The following PRKG1 variants were observed in gnomAD, a reference collection of about 807,000 sequenced individuals.
PRKG1 encodes the protein cGMP-dependent protein kinase 1.
In PRKG1, 35 loss-of-function variants were observed where a neutral mutation model predicts 88.1. That is an observed-to-expected ratio of 0.40 (90% CI 0.30 to 0.53). PRKG1 has a LOEUF of 0.53. PRKG1 is among the 20% of genes least tolerant of loss of function. The pLI, the probability that PRKG1 is intolerant of heterozygous loss-of-function variation, is 0.59. For synonymous variants in PRKG1, 303 were observed against 292.5 expected, an observed-to-expected ratio of 1.04 and a Z score of -0.37; for missense variants, 540 against 839.8, an observed-to-expected ratio of 0.64 and a Z score of 4.41.
chr10:51,715,282 A>G (rs527495643), intron 3 of PRKG1, among the ~76,000 whole-genome samples: 2 of 152,350 alleles, frequency 1.3e-5, no homozygotes, highest in East Asian at 1.9e-4. Context: ...AGCTTCATAT[A>G]TAAACAAATT....
At chr10:51,220,492 C>T (rs1838499686) in intron 2 of PRKG1, among the ~76,000 whole-genome samples, 1 of 152,008 alleles carries the variant, frequency 6.6e-6, no homozygotes, top group Non-Finnish European at 1.5e-5. Flanking sequence ...ATGGAAAAAT[C>T]TAACAGAGAA....
intron 2 of PRKG1, among the ~76,000 whole-genome samples, chr10:51,233,385 C>A (rs542048223): frequency 9.5e-4 from 144 of 152,228 alleles, no homozygotes; most frequent in Non-Finnish European, 1.5e-3. Flanking sequence ...CTGAAATCTG[C>A]AATATGAGAT....
intron 8 of PRKG1, among the ~76,000 whole-genome samples, chr10:52,136,199 T>C (rs1353438194): frequency 6.6e-6 from 1 of 152,058 alleles, no homozygotes; most frequent in Non-Finnish European, 1.5e-5. Flanking sequence ...AGTATACAAG[T>C]ATCCAGGAAG....
At chr10:52,248,371 A>G (rs1352948139) in intron 9 of PRKG1, among the ~76,000 whole-genome samples, 1 of 152,216 alleles carries the variant, frequency 6.6e-6, no homozygotes, top group Non-Finnish European at 1.5e-5. Context: ...TGGAAAAGAT[A>G]AACAGTTATG....
intron 4 of PRKG1, among the ~76,000 whole-genome samples, chr10:51,864,544 A>G (rs1188183334): frequency 2.6e-5 from 4 of 152,224 alleles, no homozygotes; most frequent in Non-Finnish European, 4.4e-5. Flanking sequence ...ATTTCATGTT[A>G]AAACATTTTT....
intron 3 of PRKG1, among the ~76,000 whole-genome samples, chr10:51,755,219 A>G (rs1837828028): frequency 6.6e-6 from 1 of 152,166 alleles, no homozygotes; most frequent in East Asian, 1.9e-4. Context: ...TAAGCTGTAC[A>G]CTGGATACTT....
chr10:52,118,020 A>G (rs1847729379), intron 7 of PRKG1, among the ~76,000 whole-genome samples: 1 of 152,138 alleles, frequency 6.6e-6, no homozygotes, highest in Non-Finnish European at 1.5e-5. Flanking sequence ...CCTATACACA[A>G]CACTATAGTA....
At chr10:51,174,432 T>C (rs1033569442) in intron 2 of PRKG1, among the ~76,000 whole-genome samples, 12 of 152,058 alleles carry the variant, frequency 7.9e-5, no homozygotes, top group African/African-American at 2.7e-4. Context: ...TTACAATGTC[T>C]ATGTAATCAA....
chr10:51,460,383 G>A (rs1435457427), intron 2 of PRKG1, among the ~76,000 whole-genome samples: 1 of 152,094 alleles, frequency 6.6e-6, no homozygotes, highest in African/African-American at 2.4e-5. Flanking sequence ...CTAATTGAAG[G>A]TGCTCATGTA....
At chr10:51,506,242 T>C (rs1472795010) in intron 3 of PRKG1, among the ~76,000 whole-genome samples, 1 of 152,142 alleles carries the variant, frequency 6.6e-6, no homozygotes, top group Non-Finnish European at 1.5e-5. Flanking sequence ...GACATAGGCA[T>C]GGGCAAGGAC....
intron 3 of PRKG1, among the ~76,000 whole-genome samples, chr10:51,785,846 G>T (rs1394012417): frequency 6.6e-6 from 1 of 152,130 alleles, no homozygotes; most frequent in East Asian, 1.9e-4. Context: ...GTGACTGGGA[G>T]ATATCTCATT....
rs531041042 is a variant in PRKG1 at position 51,406,740 on chromosome 10, C to A, written c.479-60983C>A. 5.3e-5 allele frequency among the ~76,000 whole-genome samples: 8 copies of A among 151,698 alleles called. No homozygotes were observed. In the East Asian group the frequency reaches 1.5e-3, roughly 29 times the overall value. On this transcript the variant is annotated intron_variant, in intron 2 of 17. Transcript: ENST00000373980. ...CTTATACTTATTGAATAAAATGTGC[C>A]AAGAAATAAATGCACTGGATATGTT... is the stretch of plus-strand genomic sequence containing the variant.
chr10:51,801,005 A>T (rs1839159072), intron 3 of PRKG1, among the ~76,000 whole-genome samples: 1 of 152,044 alleles, frequency 6.6e-6, no homozygotes, highest in Non-Finnish European at 1.5e-5. Context: ...TTTTCTGCAA[A>T]GCCTTCTTTA....
chr10:51,985,763 T>C (rs1297766491), intron 5 of PRKG1, among the ~76,000 whole-genome samples: 10 of 152,218 alleles, frequency 6.6e-5, no homozygotes, highest in Non-Finnish European at 1.3e-4. Flanking sequence ...ATTTGCTTCA[T>C]TCTCTACAGT....
At chr10:51,730,747 G>A (rs1359253216) in intron 3 of PRKG1, among the ~76,000 whole-genome samples, 1 of 152,224 alleles carries the variant, frequency 6.6e-6, no homozygotes, top group Non-Finnish European at 1.5e-5. Flanking sequence ...CCTTCCTGCA[G>A]CACTGCCTGG....
chr10:52,182,946 T>G (rs1839081614), intron 9 of PRKG1, among the ~76,000 whole-genome samples: 1 of 152,098 alleles, frequency 6.6e-6, no homozygotes, highest in Non-Finnish European at 1.5e-5. Context: ...CTCAGGAAAT[T>G]TTTACTCATG....
chr10:51,040,278 T>C (rs1843403327), intron 1 of PRKG1, among the ~76,000 whole-genome samples: 1 of 126,124 alleles, frequency 7.9e-6, no homozygotes, highest in Non-Finnish European at 1.8e-5. Flanking sequence ...GTGTGACCTC[T>C]TTAATTTCTT....
chr10:51,208,105 T>TA (rs1051084937), intron 2 of PRKG1, among the ~76,000 whole-genome samples: 3 of 152,154 alleles, frequency 2.0e-5, no homozygotes, highest in Non-Finnish European at 2.9e-5. Flanking sequence ...ATTACCTAGG[T>TA]AAAAAATAGT....
At chr10:51,593,632 T>TGGTAAAGG (rs1838367027) in intron 3 of PRKG1, among the ~76,000 whole-genome samples, 1 of 152,120 alleles carries the variant, frequency 6.6e-6, no homozygotes, top group South Asian at 2.1e-4. Flanking sequence ...GGTAAAGGCA[T>TGGTAAAGG]CAGAGTCTAC....
Sources: gnomAD v4.1 joint callset for allele counts (sites outside exome capture counted in the v4.1 genomes callset) on GRCh38, gnomAD v4.1.1 for gene constraint, MANE v1.5 for transcripts, NCBI Gene and HGNC (gene_info 2026-07-23, HGNC 2026-07-21) for gene names.